WDR44: variants seen among roughly 807,000 people sequenced by gnomAD.
WDR44 encodes WD repeat-containing protein 44.
Under a neutral mutation model 65.7 loss-of-function variants are expected in WDR44, and 9 were observed. The ratio of observed to expected loss-of-function variants is 0.14; its 90% CI spans 0.08 to 0.24. WDR44 has a LOEUF of 0.24. WDR44 is among the 10% of genes least tolerant of loss of function. The pLI is 1.00. For missense variants in WDR44, 425 were observed against 670.9 expected, an observed-to-expected ratio of 0.63 and a Z score of 4.05; for synonymous variants, 220 against 235.2, an observed-to-expected ratio of 0.94 and a Z score of 0.59.
intron 2 of WDR44, among the ~76,000 whole-genome samples, chrX:118,378,670 A>G (rs2056683690): frequency 9.4e-6 from 1 of 106,818 alleles, no homozygotes. Flanking sequence ...TTAGATTTCT[A>G]CTGATTTTTA....
At chrX:118,393,391 G>A in intron 4 of WDR44, 120 bp downstream of exon 4, 1 of 761,789 alleles carries the variant, frequency 1.3e-6, no homozygotes, top group Non-Finnish European at 1.9e-6. Context: ...ACCAGCCTGG[G>A]CAACATGGCA....
At chrX:118,436,880 G>T in intron 14 of WDR44, 56 bp downstream of exon 14, 1 of 1,060,463 alleles carries the variant, frequency 9.4e-7, no homozygotes, top group South Asian at 2.9e-5. Context: ...GAGAGAACCT[G>T]ATTTCTCTAG....
intron 13 of WDR44, among the ~76,000 whole-genome samples, chrX:118,435,127 C>T (rs993219038): frequency 1.8e-4 from 20 of 112,119 alleles, no homozygotes; most frequent in African/African-American, 6.5e-4. Flanking sequence ...ACAAGTCTTT[C>T]TTAAAGAATA....
chrX:118,389,718 CAAA>C (rs1248530849), intron 3 of WDR44, among the ~76,000 whole-genome samples: 1 of 34,513 alleles, frequency 2.9e-5, no homozygotes, highest in African/African-American at 1.1e-4. Context: ...GACTCCCTCT[CAAA>C]AAAAAAAAAA....
At chrX:118,413,043 G>T (rs957828331) in intron 12 of WDR44, among the ~76,000 whole-genome samples, 3 of 112,394 alleles carry the variant, frequency 2.7e-5, no homozygotes, top group Non-Finnish European at 5.6e-5. Context: ...TTTTATGGCT[G>T]AGTAGTATTC....
Position 118,349,251 on chromosome X carries a change from C to CT in WDR44, c.77+2684dup, listed in dbSNP as rs765771323. Among the ~76,000 whole-genome samples the CT allele has an allele frequency of 8.6e-3, 858 of 100,292 alleles. 10 individuals are homozygous for CT. The highest frequency in any genetic ancestry group is 0.028 in the African/African-American group (772 of 27,861). The allele number at this position is 100,292 out of a possible 115,157, so 87.1% of individuals were successfully genotyped here. A position where few individuals can be genotyped will look rare whatever the true frequency, so the allele number is the denominator to read the frequency against. On this transcript the variant is annotated intron_variant, in intron 1 of 19. Coordinates refer to ENST00000254029, the MANE Select transcript of WDR44 (RefSeq NM_019045.5). ...TTTTCTTTATTTTCTTTTTTCTTTT[C>CT]TTTTTTTTTTTTTCCAAGATAGGGT...
intron 12 of WDR44, among the ~76,000 whole-genome samples, chrX:118,424,343 A>ATATATATATATATATATATG (rs1569379542): frequency 2.2e-5 from 2 of 91,397 alleles, no homozygotes; most frequent in African/African-American, 9.4e-5. Flanking sequence ...ATATATATAT[A>ATATATATATATATATATATG]TATATGTATA....
Position 118,441,362 on chromosome X carries a change from C to T in WDR44, c.1975-6C>T. The T allele has an allele frequency of 2.5e-6, 3 of 1,193,229 alleles. No homozygotes were observed. The highest frequency in any genetic ancestry group is 3.4e-6 in the Non-Finnish European group (3 of 884,357). On this transcript the variant is annotated splice_polypyrimidine_tract_variant and splice_region_variant and intron_variant, in intron 14 of 19. Coordinates refer to ENST00000254029, the MANE Select transcript of WDR44 (RefSeq NM_019045.5). ...ATGAAAACTTTCTCTGTTGCCACCT[C>T]TTTAGGATGACAGGTATTTTCTAAG...
intron 1 of WDR44, among the ~76,000 whole-genome samples, chrX:118,376,669 G>A (rs1390571076): frequency 9.0e-6 from 1 of 111,625 alleles, no homozygotes; most frequent in Non-Finnish European, 1.9e-5. Context: ...AAAAAAAAAT[G>A]TGGGGGAAAG....
At chrX:118,374,205 A>C (rs2147681806) in intron 1 of WDR44, among the ~76,000 whole-genome samples, 1 of 110,758 alleles carries the variant, frequency 9.0e-6, no homozygotes, top group African/African-American at 3.3e-5. Flanking sequence ...TATTTTTACA[A>C]GGCCCCTATT....
intron 12 of WDR44, among the ~76,000 whole-genome samples, chrX:118,424,283 G>C (rs202102473): frequency 1.5e-5 from 1 of 65,858 alleles, no homozygotes; most frequent in Non-Finnish European, 2.6e-5. Context: ...ATATATATAT[G>C]TGTGTGTGTG....
At chrX:118,394,589 T>C (rs2056849981) in intron 5 of WDR44, among the ~76,000 whole-genome samples, 1 of 111,089 alleles carries the variant, frequency 9.0e-6, no homozygotes, top group Admixed American at 9.7e-5. Context: ...AATTTCCTTT[T>C]CCTAATCATA....
Position 118,449,583 on chromosome X carries a change from A to C in WDR44, c.*596A>C, listed in dbSNP as rs62608454. On this transcript the variant is annotated 3_prime_UTR_variant, in exon 20 of 20. Transcript: ENST00000254029. The stretch of plus-strand genomic sequence containing the variant: ...GTGGGCTTAAGATTCTTTTCTTTAT[A>C]TGTGTACATATAATTTTTTTTTCTT... The C allele has an allele frequency of 9.1e-6, 1 of 110,381 alleles. No individual in the cohort carries two copies. The highest frequency in any genetic ancestry group is 3.3e-5 in the African/African-American group (1 of 30,314). 9.1% of individuals were successfully genotyped at this position (110,381 alleles called of 1,213,427 possible). A position where few individuals can be genotyped will look rare whatever the true frequency, so the allele number is the denominator to read the frequency against.
intron 8 of WDR44, among the ~76,000 whole-genome samples, chrX:118,399,676 CA>C (rs2056895097): frequency 8.9e-6 from 1 of 111,921 alleles, no homozygotes; most frequent in Admixed American, 9.6e-5. Context: ...TTTCTTACAT[CA>C]TTTTTTTTAA....
intron 1 of WDR44, among the ~76,000 whole-genome samples, chrX:118,366,068 ATAGT>A (rs4002918): frequency 0.1 from 11,476 of 111,360 alleles, 618 homozygotes; most frequent in Admixed American, 0.24. Context: ...TATAATATTA[ATAGT>A]TAGGTACTTT....
rs1482219271 is a variant in WDR44, at chrX:118,392,764, A to C, written c.319A>C (p.Ile107Leu). The change falls in exon 4 of 20, where the codon ATA becomes CTA. Residue 107 changes from isoleucine (I) to leucine (L), a missense_variant. Ile to Leu is a conservative substitution (Grantham distance 5). Around this residue, in one of 5 missense-constraint regions of WDR44, gnomAD observed 193 missense variants for 209.0 expected, o/e 0.92. Transcript: ENST00000254029. ...TGTGGCTAGAACAGATCTGAGCAAT[A>C]TACCCGGACTGTTAGCCATAGATCA... ...PIVARTDLSN[I>L]PGLLAIDQVL... 1 of 1,212,007 alleles carries C rather than the reference A, an allele frequency of 8.3e-7. No homozygotes were observed. The highest frequency in any genetic ancestry group is 1.1e-6 in the Non-Finnish European group (1 of 895,585).
chrX:118,416,548 G>A (rs1232355582), intron 12 of WDR44, among the ~76,000 whole-genome samples: 3 of 111,481 alleles, frequency 2.7e-5, no homozygotes, highest in Non-Finnish European at 5.6e-5. Flanking sequence ...GTCTGAGAGA[G>A]TGCTTGATAT....
chrX:118,424,323 G>GTGTGTGTATATATATATATATATA (rs1289349202), intron 12 of WDR44, among the ~76,000 whole-genome samples: 6 of 65,554 alleles, frequency 9.2e-5, no homozygotes, highest in African/African-American at 5.0e-4. Context: ...GTGTGTGTGT[G>GTGTGTGTATATATATATATATATA]TATATATATA....
At chrX:118,351,580 C>T (rs2056402912) in intron 1 of WDR44, among the ~76,000 whole-genome samples, 1 of 111,847 alleles carries the variant, frequency 8.9e-6, no homozygotes, top group African/African-American at 3.3e-5. Flanking sequence ...GCTGTTTTAT[C>T]GCACTCATGT....
Sources: allele counts gnomAD v4.1 joint callset (sites outside exome capture counted in the v4.1 genomes callset), GRCh38; gene constraint gnomAD v4.1.1; regional missense constraint gnomAD v4.1.1; transcripts MANE v1.5; gene names NCBI Gene and HGNC (gene_info 2026-07-23, HGNC 2026-07-21).